COL4A2: variants seen among roughly 807,000 people sequenced by gnomAD.
COL4A2 encodes collagen alpha-2(IV) chain.
COL4A2 carries 99 observed loss-of-function variants against 200.2 expected under a neutral mutation model. The observed-to-expected ratio is 0.49, with a 90% CI of 0.42 to 0.58. The LOEUF (loss-of-function observed/expected upper bound fraction) is 0.58, where lower values mean the gene tolerates loss of function less well. Among genes scored for constraint, COL4A2 ranks in the 20% least tolerant of loss-of-function variants. COL4A2 has a pLI of 0.00. For missense variants in COL4A2, 1,950 were observed against 2,314.1 expected, an observed-to-expected ratio of 0.84 and a Z score of 3.23; for synonymous variants, 897 against 900.6, an observed-to-expected ratio of 1.00 and a Z score of 0.07.
chr13:110,441,262 G>A (rs1452106073), intron 16 of COL4A2, among the ~76,000 whole-genome samples: 1 of 152,154 alleles, frequency 6.6e-6, no homozygotes, highest in Non-Finnish European at 1.5e-5. Context: ...CAGAAGCTCG[G>A]CAGGCCTGGT....
chr13:110,496,064 G>A (rs748749604), intron 40 of COL4A2, among the ~76,000 whole-genome samples: 48 of 151,932 alleles, frequency 3.2e-4, no homozygotes, highest in Admixed American at 5.2e-4. Context: ...CCCCCACCCC[G>A]CCCACCTCAC....
chr13:110,336,864 G>A lies in COL4A2; in HGVS notation c.100-20608G>A, dbSNP rs576731399. 3.3e-5 allele frequency among the ~76,000 whole-genome samples: 5 copies of A among 152,350 alleles called. No homozygotes were observed. The South Asian group carries it at 1.0e-3, about 32-fold the overall frequency. ...CCCTCTGAAGCAGTTCATGGGAAGA[G>A]TCACCACATTCAGCCTGGGGCTGGC... On this transcript the variant is annotated intron_variant, in intron 3 of 47. Transcript: ENST00000360467.
In COL4A2 at chr13:110,457,140, G is replaced by T. The variant is rs186814808; in HGVS notation, c.1340-203G>T. 194 of 381,218 alleles carry T rather than the reference G, an allele frequency of 5.1e-4. 10 individuals carry two copies. In the East Asian group the frequency reaches 7.3e-3, roughly 14 times the overall value. 23.6% of individuals were successfully genotyped at this position (381,218 alleles called of 1,614,324 possible). A position where few individuals can be genotyped will look rare whatever the true frequency, so the allele number is the denominator to read the frequency against. ...TCTGCGTGGGACCCCAGGCGTCGTG[G>T]GGCTGATGCCGTGCGTCTGCGTGGG... On this transcript the variant is annotated intron_variant, in intron 20 of 47. Coordinates refer to ENST00000360467, the MANE Select transcript of COL4A2 (RefSeq NM_001846.4).
intron 4 of COL4A2, among the ~76,000 whole-genome samples, chr13:110,378,919 T>C (rs1878352531): frequency 6.6e-6 from 1 of 152,164 alleles, no homozygotes; most frequent in Non-Finnish European, 1.5e-5. Flanking sequence ...AGCTGCTTCA[T>C]ATGAGGCAGA....
At chr13:110,317,329 C>A (rs1885163409) in intron 3 of COL4A2, among the ~76,000 whole-genome samples, 1 of 151,594 alleles carries the variant, frequency 6.6e-6, no homozygotes, top group African/African-American at 2.4e-5. Flanking sequence ...CAGAGACACA[C>A]ACTTGCACCC....
chr13:110,484,593 T>G (rs963618202), intron 32 of COL4A2, among the ~76,000 whole-genome samples: 1 of 152,018 alleles, frequency 6.6e-6, no homozygotes, highest in African/African-American at 2.4e-5. Flanking sequence ...AAAATGACCT[T>G]CTCACAAAGC....
intron 3 of COL4A2, among the ~76,000 whole-genome samples, chr13:110,327,710 C>T (rs1781374198): frequency 6.6e-6 from 1 of 152,120 alleles, no homozygotes; most frequent in Non-Finnish European, 1.5e-5. Flanking sequence ...ATTAAAATCC[C>T]CCCAACAGCT....
intron 45 of COL4A2, 135 bp from the exon 46 acceptor site, chr13:110,506,280 C>T (rs1299424732): frequency 1.3e-6 from 1 of 757,496 alleles, no homozygotes; most frequent in East Asian, 3.0e-5. Context: ...CTCTCTCTCT[C>T]GGGCTGCAGG....
At chr13:110,338,815 A>G (rs1163485363) in intron 3 of COL4A2, among the ~76,000 whole-genome samples, 1 of 152,226 alleles carries the variant, frequency 6.6e-6, no homozygotes, top group Non-Finnish European at 1.5e-5. Context: ...TCCCACAGCC[A>G]AGAACGACTG....
At chr13:110,481,891 G>GT (rs370711231) in intron 31 of COL4A2, among the ~76,000 whole-genome samples, 13 of 31,560 alleles carry the variant, frequency 4.1e-4, no homozygotes, top group East Asian at 2.7e-3. Context: ...CTGTCCCTCC[G>GT]TGCTGGAGAC....
chr13:110,484,870 C>G, intron 32 of COL4A2, 35 bp from the exon 33 acceptor site: 1 of 1,570,142 alleles, frequency 6.4e-7, no homozygotes, highest in Non-Finnish European at 8.7e-7. Flanking sequence ...TGGTCTGGAG[C>G]CCCCAGAAAA....
intron 29 of COL4A2, among the ~76,000 whole-genome samples, chr13:110,474,661 CATG>C (rs1400123397): frequency 1.3e-5 from 2 of 149,692 alleles, no homozygotes; most frequent in Non-Finnish European, 3.0e-5. Flanking sequence ...CATGCTCACA[CATG>C]ATCACACTCC....
chr13:110,486,211 C>T (rs1011558300), intron 34 of COL4A2, among the ~76,000 whole-genome samples: 3 of 152,202 alleles, frequency 2.0e-5, no homozygotes, highest in Non-Finnish European at 4.4e-5. Context: ...GACCTGGGCC[C>T]GGCAGCCTGG....
At chr13:110,468,114 C>T (rs1275760708) in intron 27 of COL4A2, 1 of 469,876 alleles carries the variant, frequency 2.1e-6, no homozygotes. Flanking sequence ...GTATGAACAG[C>T]AATGAGAGTT....
intron 3 of COL4A2, among the ~76,000 whole-genome samples, chr13:110,325,982 C>T (rs558200475): frequency 1.8e-4 from 27 of 152,212 alleles, no homozygotes; most frequent in Middle Eastern, 6.8e-3. Context: ...TACAGGGTTT[C>T]GCCACGTTGG....
intron 4 of COL4A2, among the ~76,000 whole-genome samples, chr13:110,380,517 T>G (rs1273456420): frequency 6.6e-6 from 1 of 152,236 alleles, no homozygotes; most frequent in Non-Finnish European, 1.5e-5. Flanking sequence ...CACACTCACT[T>G]AGAGATAAGA....
At chr13:110,499,193 G>A (rs144236476) in intron 40 of COL4A2, among the ~76,000 whole-genome samples, 1 of 152,238 alleles carries the variant, frequency 6.6e-6, no homozygotes, top group Non-Finnish European at 1.5e-5. Flanking sequence ...CATCTCATTT[G>A]TATTAGTTCG....
In COL4A2 at chr13:110,511,865, C is replaced by T. The variant is rs1884092400; in HGVS notation, c.4882-69C>T. ...GTAAAAACAAATGCACAGAAGAGGGCTATGCCCTGACCCCGTGCCACCTGC... is the reference window on the plus strand; with the variant it reads ...GTAAAAACAAATGCACAGAAGAGGGTTATGCCCTGACCCCGTGCCACCTGC... On this transcript the variant is annotated intron_variant, in intron 47 of 47. Transcript: ENST00000360467. 1.9e-6 allele frequency: 3 copies of T among 1,607,728 alleles called. No individual in the cohort carries two copies. The South Asian group carries it at 3.3e-5, about 18-fold the overall frequency.
Position 110,413,527 on chromosome 13 carries a change from C to T in COL4A2, c.181-11207C>T, listed in dbSNP as rs551382613. 2.6e-3 allele frequency among the ~76,000 whole-genome samples: 390 copies of T among 152,272 alleles called. 8 individuals are homozygous for T. Among genetic ancestry groups the T allele is most frequent in the Middle Eastern group, 6.8e-3 (2 of 294 alleles). ...TAGTGACCCTGAGAGCCTCAGGCAG[C>T]GAGGGCTGCGTGTGCCATGGCCCTG... On this transcript the variant is annotated intron_variant, in intron 4 of 47. Coordinates refer to ENST00000360467, the MANE Select transcript of COL4A2 (RefSeq NM_001846.4).
Sources: allele counts gnomAD v4.1 joint callset (sites outside exome capture counted in the v4.1 genomes callset), GRCh38; gene constraint gnomAD v4.1.1; transcripts MANE v1.5; gene names NCBI Gene and HGNC (gene_info 2026-07-23, HGNC 2026-07-21).